MFSD12: variants seen among roughly 807,000 people sequenced by gnomAD.
MFSD12 encodes the protein major facilitator superfamily domain containing 12, also known as major facilitator superfamily domain-containing protein 12.
MFSD12 carries 67 observed loss-of-function variants against 51.2 expected under a neutral mutation model. The ratio of observed to expected loss-of-function variants is 1.31; its 90% confidence interval spans 1.08 to 1.60. MFSD12 has a LOEUF of 1.60. MFSD12 is among the 40% of genes most tolerant of loss of function. MFSD12 has a pLI of 0.00. For missense variants in MFSD12, 921 were observed against 673.0 expected, an observed-to-expected ratio of 1.37 and a Z score of -4.08; for synonymous variants, 441 against 316.7, an observed-to-expected ratio of 1.39 and a Z score of -4.17.
intron 6 of MFSD12, 30 bp from the exon 7 acceptor site, chr19:3,546,455 C>A: frequency 6.3e-7 from 1 of 1,581,502 alleles, no homozygotes; most frequent in South Asian, 1.1e-5. Context: ...GTCAGGCCCA[C>A]ACCACTGGGT....
intron 2 of MFSD12, among the ~76,000 whole-genome samples, chr19:3,550,744 T>C (rs1196860885): frequency 6.6e-6 from 1 of 151,966 alleles, no homozygotes; most frequent in African/African-American, 2.4e-5. Flanking sequence ...TCCCAGCTAC[T>C]CAGGAGGCTG....
At position 3,551,142 on chromosome 19, in the gene MFSD12, G is replaced by A; in HGVS notation, c.351C>T (p.Gly117=). Residue 117 remains glycine (G), a synonymous_variant, in exon 2 of 10, where the codon GGC becomes GGT. Transcript: ENST00000355415. The surrounding 1 kb of genome is among the most constrained non-coding windows in gnomAD (Gnocchi z 4.6). ...CCCACTCGGGCGTGGCCGCCCCACA[G>A]CCCAGGCAGGGGCTGAAGATGAAGG... The part of the protein sequence containing the change: ...SFPFIFSPCL[G]CGAATPEWAA... 6.2e-7 allele frequency: 1 copy of A among 1,612,378 alleles called. No individual in the cohort carries two copies.
chr19:3,548,304 A>G (rs1035560001), intron 2 of MFSD12, 37 bp from the exon 3 acceptor site: 1 of 1,542,394 alleles, frequency 6.5e-7, no homozygotes, highest in Admixed American at 2.0e-5. Context: ...ACAAGACGCC[A>G]GGAACCTGGG....
intron 1 of MFSD12, among the ~76,000 whole-genome samples, chr19:3,555,049 G>A (rs999175758): frequency 1.3e-5 from 2 of 152,228 alleles, no homozygotes; most frequent in African/African-American, 4.8e-5. Context: ...GTTCCCTGAG[G>A]TCTGCTTTGG....
intron 8 of MFSD12, 73 bp downstream of exon 8, chr19:3,545,976 AGCTGGATGCCCAGACCCAGAACACT>A (rs2030986401): frequency 1.5e-6 from 2 of 1,304,798 alleles, no homozygotes; most frequent in South Asian, 1.2e-5. Flanking sequence ...TTTGGTCCAC[AGCTGGATGCCCAGACCCAGAACACT>A]GCTGGACACA....
In MFSD12 at chr19:3,551,444, G is replaced by A. The variant is rs1446523385; in HGVS notation, c.299-250C>T. Among the ~76,000 whole-genome samples the A allele has an allele frequency of 6.6e-6, 1 of 152,170 alleles. No homozygotes were observed. Among genetic ancestry groups the A allele is most frequent in the Non-Finnish European group, 1.5e-5 (1 of 68,014 alleles). On this transcript the variant is annotated intron_variant, in intron 1 of 9. Transcript: ENST00000355415. This position sits in a 1 kb window ranked among gnomAD's most constrained non-coding sequence, Gnocchi z 4.6. ...AGTCAGAAGAAGCCAGGCGCAGGGG[G>A]TCCCCCGGAAACCTGCCCCCCACAG... is the stretch of plus-strand genomic sequence containing the variant.
rs561665769 is a variant in MFSD12, at chr19:3,545,079, C to G, written c.1290-140G>C. 258 of 1,142,700 alleles carry G rather than the reference C, an allele frequency of 2.3e-4. 1 individual carries two copies. The South Asian group carries it at 3.3e-3, about 14-fold the overall frequency. 70.8% of individuals were successfully genotyped at this position (1,142,700 alleles called of 1,614,324 possible). A position where few individuals can be genotyped will look rare whatever the true frequency, so the allele number is the denominator to read the frequency against. On this transcript the variant is annotated intron_variant, in intron 8 of 9. Transcript: ENST00000355415. ...AGCTGGGGGCCCTGCCACTCCCTCC[C>G]TCCTGTCCCACACCCAACAGCTCGG...
rs1025215035 is a variant in MFSD12 at position 3,545,299 on chromosome 19, C to T, written c.1290-360G>A. ...TGTGAGCGCCTGGGTCAGGGCCTGT[C>T]CCTCTTCTGCCCACAGCTCTCTGTG... is the stretch of plus-strand genomic sequence containing the variant. On this transcript the variant is annotated intron_variant, in intron 8 of 9. Transcript: ENST00000355415. Among the ~76,000 whole-genome samples the T allele has an allele frequency of 5.3e-5, 8 of 152,342 alleles. No homozygotes were observed. In the Middle Eastern group the frequency reaches 0.01, roughly 194 times the overall value.
intron 4 of MFSD12, 109 bp from the exon 5 acceptor site, chr19:3,547,656 C>A (rs999520884): frequency 5.0e-6 from 6 of 1,209,678 alleles, no homozygotes; most frequent in Non-Finnish European, 7.0e-6. Context: ...GGCATTTGAT[C>A]CATTGGTAGT....
intron 8 of MFSD12, among the ~76,000 whole-genome samples, chr19:3,545,723 C>A (rs2145184718): frequency 6.6e-6 from 1 of 152,354 alleles, no homozygotes; most frequent in African/African-American, 2.4e-5. Context: ...CCCTGGGCCT[C>A]TACAGGCGTG....
chr19:3,545,229 C>CT (rs1237908415), intron 8 of MFSD12, among the ~76,000 whole-genome samples: 3 of 152,230 alleles, frequency 2.0e-5, no homozygotes, highest in African/African-American at 7.2e-5. Context: ...GCTGCAACTT[C>CT]TCCCCCAGCA....
intron 6 of MFSD12, among the ~76,000 whole-genome samples, chr19:3,547,044 T>G (rs1397822812): frequency 3.9e-5 from 6 of 152,162 alleles, no homozygotes; most frequent in Non-Finnish European, 8.8e-5. Context: ...TTCACCGTGT[T>G]AGCCAGGATG....
chr19:3,544,627 T>C lies in MFSD12; in HGVS notation c.*83A>G. ...GGGTCCAGAGAAGAGTGAGGGGCAG[T>C]GGGGGCTTTTCCCCAAGGCCCTGGG... is the stretch of plus-strand genomic sequence containing the variant. On this transcript the variant is annotated 3_prime_UTR_variant, in exon 10 of 10. Transcript: ENST00000355415. 6.6e-7 allele frequency: 1 copy of C among 1,519,602 alleles called. No individual in the cohort carries two copies. Among genetic ancestry groups the C allele is most frequent in the Non-Finnish European group, 8.8e-7 (1 of 1,132,524 alleles). 94.1% of individuals were successfully genotyped at this position (1,519,602 alleles called of 1,614,324 possible).
downstream of MFSD12, chr19:3,542,427 G>A: frequency 1.0e-6 from 1 of 985,310 alleles, no homozygotes; most frequent in Non-Finnish European, 1.2e-6. Context: ...GACTTCCTTG[G>A]GACATATTCC....
intron 2 of MFSD12, among the ~76,000 whole-genome samples, chr19:3,549,574 T>C (rs2031341217): frequency 6.7e-6 from 1 of 149,568 alleles, no homozygotes; most frequent in African/African-American, 2.5e-5. Flanking sequence ...AATACAAAAA[T>C]TAGCCGGGGG....
Position 3,546,326 on chromosome 19 carries a change from G to A in MFSD12, c.1123C>T (p.Leu375=). Residue 375 remains leucine, a synonymous_variant, in exon 7 of 10, where the codon CTG becomes TTG. Transcript: ENST00000355415. Reference sequence around the variant, plus strand: ...AGGATGGTGGCACAGCCAGCACCCAGCAGCACAGCCGCTGCGTACACGGCC... The same window carrying A: ...AGGATGGTGGCACAGCCAGCACCCAACAGCACAGCCGCTGCGTACACGGCC... ...GVAVYAAAVL[L]GAGCATILVT... 1 of 1,608,854 alleles carries A rather than the reference G, an allele frequency of 6.2e-7. No homozygotes were observed. The highest frequency in any genetic ancestry group is 8.5e-7 in the Non-Finnish European group (1 of 1,178,422).
rs748780163 is a variant in MFSD12, at chr19:3,544,981, AC to A, written c.1290-43del. ...GGGATGAGTAGGCACCGCGGGTACCACCCCCCCGCCACCCAAGCTGAACCTG... is the reference window on the plus strand; with the variant it reads ...GGGATGAGTAGGCACCGCGGGTACCACCCCCCGCCACCCAAGCTGAACCTG... On this transcript the variant is annotated intron_variant, in intron 8 of 9. Transcript: ENST00000355415. 210 of 1,542,930 alleles carry A rather than the reference AC, an allele frequency of 1.4e-4. 1 individual carries two copies. Among genetic ancestry groups the A allele is most frequent in the Admixed American group, 1.5e-4 (8 of 53,192 alleles).
chr19:3,542,058 C>G (rs1263380486), downstream of MFSD12: 19 of 861,166 alleles, frequency 2.2e-5, no homozygotes, highest in Non-Finnish European at 2.4e-5. Context: ...GATCTACCCA[C>G]CTTGGCCTCC....
chr19:3,539,243 C>A, downstream of MFSD12: 1 of 1,549,224 alleles, frequency 6.5e-7, no homozygotes, highest in Non-Finnish European at 8.7e-7. Context: ...AGGCCAGCTT[C>A]CCAGCACCGC....
Sources: gnomAD v4.1 joint callset for allele counts (sites outside exome capture counted in the v4.1 genomes callset) on GRCh38, gnomAD v4.1.1 for gene constraint, Gnocchi (gnomAD v3.1) non-coding constraint, MANE v1.5 for transcripts, NCBI Gene and HGNC (gene_info 2026-07-23, HGNC 2026-07-21) for gene names.